CDKAL1: variants seen among roughly 807,000 people sequenced by gnomAD.
CDKAL1 encodes threonylcarbamoyladenosine tRNA methylthiotransferase.
CDKAL1 carries 32 observed loss-of-function variants against 68.2 expected under a neutral mutation model. That is an observed-to-expected ratio of 0.47 (90% CI 0.35 to 0.63). The LOEUF is 0.63. Among genes scored for constraint, CDKAL1 ranks in the 30% least tolerant of loss-of-function variants. CDKAL1 has a pLI of 0.00. For missense variants in CDKAL1, 606 were observed against 696.7 expected, an observed-to-expected ratio of 0.87 and a Z score of 1.47; for synonymous variants, 234 against 244.3, an observed-to-expected ratio of 0.96 and a Z score of 0.39.
intron 13 of CDKAL1, among the ~76,000 whole-genome samples, chr6:21,132,917 C>T (rs1191817823): frequency 1.3e-5 from 2 of 151,884 alleles, no homozygotes; most frequent in African/African-American, 4.8e-5. Context: ...GATTGTTTAA[C>T]ATTTTCTAGG....
intron 13 of CDKAL1, among the ~76,000 whole-genome samples, chr6:21,126,251 TC>T (rs1775006354): frequency 6.6e-6 from 1 of 152,238 alleles, no homozygotes. Context: ...AGCAGTCTGT[TC>T]TTTCCTCTGT....
At chr6:20,876,398 C>T (rs559257911) in intron 9 of CDKAL1, among the ~76,000 whole-genome samples, 2 of 152,182 alleles carry the variant, frequency 1.3e-5, no homozygotes, top group African/African-American at 2.4e-5. Flanking sequence ...CAGGGTGCCA[C>T]TACTGTTGAG....
intron 5 of CDKAL1, among the ~76,000 whole-genome samples, chr6:20,660,867 T>C (rs1006117879): frequency 2.0e-4 from 30 of 152,220 alleles, no homozygotes; most frequent in African/African-American, 7.2e-4. Context: ...GTTGTATAAG[T>C]AATATAATTG....
intron 13 of CDKAL1, among the ~76,000 whole-genome samples, chr6:21,153,631 A>G (rs1325090341): frequency 1.3e-5 from 2 of 152,228 alleles, no homozygotes; most frequent in African/African-American, 2.4e-5. Context: ...GACATGAGTT[A>G]CAAGGAAACA....
chr6:20,655,625 G>A (rs181276945), intron 5 of CDKAL1, among the ~76,000 whole-genome samples: 4 of 152,226 alleles, frequency 2.6e-5, no homozygotes, highest in Admixed American at 6.5e-5. Context: ...TAGGTTGTGC[G>A]CTCCTTATAA....
At chr6:20,884,243 A>G (rs952469362) in intron 9 of CDKAL1, among the ~76,000 whole-genome samples, 1 of 152,190 alleles carries the variant, frequency 6.6e-6, no homozygotes, top group African/African-American at 2.4e-5. Flanking sequence ...AAGAAAAGGT[A>G]TTTGCCAAAA....
intron 13 of CDKAL1, among the ~76,000 whole-genome samples, chr6:21,126,907 G>A (rs1465951737): frequency 1.3e-5 from 2 of 152,142 alleles, no homozygotes; most frequent in African/African-American, 4.8e-5. Flanking sequence ...ATCACCAGCA[G>A]CCTTTTCTTG....
At chr6:21,101,676 T>C (rs964467069) in intron 12 of CDKAL1, among the ~76,000 whole-genome samples, 1 of 152,184 alleles carries the variant, frequency 6.6e-6, no homozygotes, top group South Asian at 2.1e-4. Flanking sequence ...TCTCACATCT[T>C]CCTCAAATTC....
chr6:20,664,960 GCCTAAA>G (rs1442727735), intron 5 of CDKAL1, among the ~76,000 whole-genome samples: 1 of 152,046 alleles, frequency 6.6e-6, no homozygotes, highest in Non-Finnish European at 1.5e-5. Context: ...TTGTCACACT[GCCTAAA>G]TAACTTTGAA....
At chr6:21,195,792 G>C (rs1372514654) in intron 13 of CDKAL1, among the ~76,000 whole-genome samples, 2 of 152,086 alleles carry the variant, frequency 1.3e-5, no homozygotes, top group Non-Finnish European at 2.9e-5. Flanking sequence ...TTACAGGCAT[G>C]AGCCACCGGG....
chr6:21,110,314 A>G (rs1774059188), intron 13 of CDKAL1, among the ~76,000 whole-genome samples: 1 of 152,130 alleles, frequency 6.6e-6, no homozygotes, highest in South Asian at 2.1e-4. Context: ...AAATCTATCC[A>G]TGTTACTTTT....
intron 9 of CDKAL1, among the ~76,000 whole-genome samples, chr6:20,909,754 G>C (rs1253595533): frequency 2.0e-5 from 3 of 152,152 alleles, no homozygotes; most frequent in Non-Finnish European, 4.4e-5. Context: ...CAGAGGCAGA[G>C]GGAGCACCTT....
chr6:21,217,443 C>T (rs2085654), intron 15 of CDKAL1, among the ~76,000 whole-genome samples: 90,143 of 150,752 alleles, frequency 0.6, 27,655 homozygotes, highest in African/African-American at 0.74. Flanking sequence ...TATAGGCATG[C>T]ACCACCATAC....
chr6:20,849,951 T>C (rs534890493), intron 9 of CDKAL1, among the ~76,000 whole-genome samples: 1 of 152,342 alleles, frequency 6.6e-6, no homozygotes, highest in South Asian at 2.1e-4. Flanking sequence ...TTAATGCTGT[T>C]ATAGAAATCC....
chr6:21,135,168 CTGACTGGCCTATTTCCAGA>C (rs1156370214), intron 13 of CDKAL1, among the ~76,000 whole-genome samples: 11 of 152,076 alleles, frequency 7.2e-5, no homozygotes, highest in Admixed American at 7.2e-4. Flanking sequence ...CAGGTTCATA[CTGACTGGCCTATTTCCAGA>C]TTAACCCTCA....
intron 2 of CDKAL1, among the ~76,000 whole-genome samples, chr6:20,543,087 G>A (rs1161398637): frequency 6.6e-6 from 1 of 152,166 alleles, no homozygotes; most frequent in Admixed American, 6.5e-5. Context: ...CATCCAGGTG[G>A]TTTCCAGATT....
chr6:21,040,634 T>G (rs1479086145), intron 11 of CDKAL1, among the ~76,000 whole-genome samples: 1 of 152,188 alleles, frequency 6.6e-6, no homozygotes, highest in Non-Finnish European at 1.5e-5. Context: ...TCAAATTTAT[T>G]AAAATATTAT....
chr6:20,703,187 G>A (rs1771447241), intron 5 of CDKAL1, among the ~76,000 whole-genome samples: 1 of 152,184 alleles, frequency 6.6e-6, no homozygotes, highest in South Asian at 2.1e-4. Context: ...TAAAGAAAGT[G>A]GTGTAGACTG....
At chr6:20,743,552 T>C (rs1210231454) in intron 6 of CDKAL1, among the ~76,000 whole-genome samples, 1 of 152,160 alleles carries the variant, frequency 6.6e-6, no homozygotes, top group African/African-American at 2.4e-5. Flanking sequence ...CCTGTAGGAA[T>C]GGGGCATTTA....
Sources: gnomAD v4.1 joint callset for allele counts (sites outside exome capture counted in the v4.1 genomes callset) on GRCh38, gnomAD v4.1.1 for gene constraint, MANE v1.5 for transcripts, NCBI Gene and HGNC (gene_info 2026-07-23, HGNC 2026-07-21) for gene names.